GABRB3: variants seen among roughly 807,000 people sequenced by gnomAD.
GABRB3 encodes the protein gamma-aminobutyric acid receptor subunit beta-3.
GABRB3 carries 14 observed loss-of-function variants against 52.1 expected under a neutral mutation model. That is an observed-to-expected ratio of 0.27 (90% CI 0.18 to 0.42). The LOEUF (loss-of-function observed/expected upper bound fraction) is 0.42. GABRB3 is among the 10% of genes least tolerant of loss of function. The pLI is 1.00. For missense variants in GABRB3, 307 were observed against 609.1 expected, an observed-to-expected ratio of 0.50 and a Z score of 5.22; for synonymous variants, 260 against 232.3, an observed-to-expected ratio of 1.12 and a Z score of -1.08.
At chr15:26,626,223 T>C (rs1892686645) in intron 3 of GABRB3, among the ~76,000 whole-genome samples, 2 of 152,204 alleles carry the variant, frequency 1.3e-5, no homozygotes, top group Admixed American at 1.3e-4. Flanking sequence ...CCATATAAGA[T>C]GGCAAACTTA....
chr15:26,615,385 G>A (rs1361236420), intron 4 of GABRB3: 2 of 985,596 alleles, frequency 2.0e-6, no homozygotes, highest in Non-Finnish European at 2.4e-6. Context: ...GCTGGTGCAG[G>A]GATCTCAGTT....
chr15:26,625,408 C>T, intron 3 of GABRB3: 1 of 851,246 alleles, frequency 1.2e-6, no homozygotes, highest in Non-Finnish European at 1.4e-6. Context: ...TCCCATACAT[C>T]CCAGGGAAGT....
chr15:26,772,405 G>A lies in GABRB3; in HGVS notation c.237C>T (p.Asn79=), dbSNP rs1428498370. The change falls in exon 3 of 9, where the codon AAC becomes AAT. Residue 79 remains asparagine, a synonymous_variant. Transcript: ENST00000311550. ...CCCTGGGAGGGCGGGCACTCACCAT[G>A]TTGACTTCGGAAACCATGTCGATGC... is the stretch of plus-strand genomic sequence containing the variant. ...IASIDMVSEV[N]MDYTLTMYFQ... The A allele has an allele frequency of 2.5e-6, 4 of 1,608,856 alleles. No homozygotes were observed. The highest frequency in any genetic ancestry group is 3.4e-6 in the Non-Finnish European group (4 of 1,177,654).
chr15:26,617,702 T>G (rs1892312397), intron 4 of GABRB3, among the ~76,000 whole-genome samples: 2 of 151,984 alleles, frequency 1.3e-5, no homozygotes, highest in Middle Eastern at 3.4e-3. Flanking sequence ...GGGTATTCAA[T>G]TAGGAAAAGA....
intron 4 of GABRB3, among the ~76,000 whole-genome samples, chr15:26,587,442 G>A (rs555713703): frequency 3.3e-5 from 5 of 152,160 alleles, no homozygotes; most frequent in African/African-American, 9.7e-5. Flanking sequence ...GAGAGAGTAG[G>A]GGTGGGGAGC....
intron 3 of GABRB3, among the ~76,000 whole-genome samples, chr15:26,730,830 A>G (rs1889892020): frequency 1.3e-5 from 2 of 152,246 alleles, no homozygotes; most frequent in African/African-American, 4.8e-5. Flanking sequence ...CAGTTTCCTC[A>G]TATGTAAAAC....
intron 3 of GABRB3, among the ~76,000 whole-genome samples, chr15:26,758,798 A>T (rs116992222): frequency 4.9e-4 from 74 of 152,312 alleles, no homozygotes; most frequent in South Asian, 2.3e-3. Flanking sequence ...AAACAACCTT[A>T]AGTAACATAT....
rs181144560 is a variant in GABRB3, at chr15:26,754,398, G to A, written c.240+18004C>T. On this transcript the variant is annotated intron_variant, in intron 3 of 8. Coordinates refer to ENST00000311550, the MANE Select transcript of GABRB3 (RefSeq NM_000814.6). ...TGGAGAAATGTGAAGTCCCTTCTGA[G>A]CAGATTTCACCAAGGTGCTGCTTTT... 8.5e-5 allele frequency among the ~76,000 whole-genome samples: 13 copies of A among 152,308 alleles called. No homozygotes were observed. The East Asian group carries it at 2.5e-3, about 29-fold the overall frequency.
chr15:26,630,735 T>C (rs1184038131), intron 3 of GABRB3, among the ~76,000 whole-genome samples: 1 of 152,190 alleles, frequency 6.6e-6, no homozygotes, highest in East Asian at 1.9e-4. Context: ...TCTAATGAAA[T>C]CGGGGGCCCT....
At chr15:26,566,235 T>C (rs2140692611) in intron 7 of GABRB3, among the ~76,000 whole-genome samples, 1 of 152,296 alleles carries the variant, frequency 6.6e-6, no homozygotes, top group Admixed American at 6.5e-5. Flanking sequence ...AGAGTGGTTT[T>C]CTTATCCACT....
intron 3 of GABRB3, among the ~76,000 whole-genome samples, chr15:26,696,807 G>A (rs958498914): frequency 5.9e-5 from 9 of 152,244 alleles, no homozygotes; most frequent in African/African-American, 2.2e-4. Context: ...ATGCGGGTGG[G>A]AGACTTTGAT....
In GABRB3 at chr15:26,629,239, G is replaced by T. The variant is rs1892836869; in HGVS notation, c.241-7705C>A. 5 of 1,371,126 alleles carry T rather than the reference G, an allele frequency of 3.6e-6. No individual in the cohort carries two copies. The East Asian group carries it at 1.0e-4, about 28-fold the overall frequency. 84.9% of individuals were successfully genotyped at this position (1,371,126 alleles called of 1,614,324 possible). On this transcript the variant is annotated intron_variant, in intron 3 of 8. Coordinates refer to ENST00000311550, the MANE Select transcript of GABRB3 (RefSeq NM_000814.6). ...GGCGGGGCCTGGAAAGGAGGGCAGC[G>T]CGGAAGCTTGGCCCCGAGAGGGAGG...
intron 8 of GABRB3, among the ~76,000 whole-genome samples, chr15:26,553,754 TAGTC>T (rs1595433382): frequency 2.0e-5 from 3 of 151,978 alleles, no homozygotes; most frequent in Non-Finnish European, 4.4e-5. Context: ...GCCCTGTCCT[TAGTC>T]AGGAGCACAA....
At chr15:26,765,479 G>A (rs952239051) in intron 3 of GABRB3, among the ~76,000 whole-genome samples, 2 of 152,174 alleles carry the variant, frequency 1.3e-5, no homozygotes, top group African/African-American at 4.8e-5. Flanking sequence ...CATTTAGCCT[G>A]TAAGATTCTT....
chr15:26,596,388 T>C (rs972004850), intron 4 of GABRB3, among the ~76,000 whole-genome samples: 11 of 152,102 alleles, frequency 7.2e-5, no homozygotes, highest in African/African-American at 2.7e-4. Flanking sequence ...AAAAATGACA[T>C]CTTCCTGAAA....
chr15:26,709,775 C>T (rs1345198683), intron 3 of GABRB3, among the ~76,000 whole-genome samples: 1 of 152,080 alleles, frequency 6.6e-6, no homozygotes, highest in Non-Finnish European at 1.5e-5. Flanking sequence ...CCTTGGCCTC[C>T]CAAAGTGCTG....
intron 4 of GABRB3, chr15:26,612,199 T>C (rs1892096165): frequency 6.6e-6 from 1 of 152,202 alleles, no homozygotes; most frequent in Non-Finnish European, 1.5e-5. Flanking sequence ...AAAAATGTGC[T>C]GATATTAACA....
intron 3 of GABRB3, among the ~76,000 whole-genome samples, chr15:26,712,406 A>G (rs1377579151): frequency 6.6e-6 from 1 of 152,048 alleles, no homozygotes; most frequent in Non-Finnish European, 1.5e-5. Context: ...AGCAGCAAGG[A>G]GGCTGGGAGA....
At chr15:26,675,412 C>G (rs1489867404) in intron 3 of GABRB3, among the ~76,000 whole-genome samples, 1 of 152,080 alleles carries the variant, frequency 6.6e-6, no homozygotes, top group African/African-American at 2.4e-5. Context: ...TGACTCTGAA[C>G]ACCCCCTACC....
Sources: allele counts gnomAD v4.1 joint callset (sites outside exome capture counted in the v4.1 genomes callset), GRCh38; gene constraint gnomAD v4.1.1; transcripts MANE v1.5; gene names NCBI Gene and HGNC (gene_info 2026-07-23, HGNC 2026-07-21).